ACYP2: variants seen among roughly 807,000 people sequenced by gnomAD.
ACYP2 encodes the protein acylphosphatase 2, also known as acylphosphatase-2.
A neutral mutation model predicts 11.2 loss-of-function variants in ACYP2; 12 were observed. That is an observed-to-expected ratio of 1.08 (90% CI 0.69 to 1.74). The LOEUF (loss-of-function observed/expected upper bound fraction) is 1.74, where lower values mean the gene tolerates loss of function less well. Ranked by LOEUF, ACYP2 falls within the 40% of genes most tolerant of loss-of-function variation. The pLI is 0.00. For missense variants in ACYP2, 134 were observed against 101.9 expected (o/e 1.31, Z -1.35); for synonymous variants, 43 against 32.2 (o/e 1.33, Z -1.13).
At chr2:54,175,944 C>T (rs1384089422) in intron 6 of ACYP2, among the ~76,000 whole-genome samples, 1 of 152,054 alleles carries the variant, frequency 6.6e-6, no homozygotes, top group Non-Finnish European at 1.5e-5. Context: ...ATGGGGTTAG[C>T]ACCCTTATAA....
chr2:54,208,623 G>C (rs1490960080), intron 6 of ACYP2, among the ~76,000 whole-genome samples: 1 of 151,854 alleles, frequency 6.6e-6, no homozygotes, highest in East Asian at 1.9e-4. Context: ...AGCCCAAATT[G>C]AAAGAGTGGC....
At chr2:54,147,128 A>ACTTTT (rs907747043) in intron 6 of ACYP2, among the ~76,000 whole-genome samples, 4 of 151,654 alleles carry the variant, frequency 2.6e-5, no homozygotes, top group African/African-American at 9.7e-5. Context: ...CTTCTAAGTT[A>ACTTTT]CTTTTCTTTT....
chr2:54,057,523 G>A (rs1447010613), intron 4 of ACYP2, among the ~76,000 whole-genome samples: 1 of 152,118 alleles, frequency 6.6e-6, no homozygotes, highest in Non-Finnish European at 1.5e-5. Flanking sequence ...TTGAGTCTAT[G>A]TTTGATTGAT....
Position 54,057,462 on chromosome 2 carries a change from T to C in ACYP2, c.277+102T>C, listed in dbSNP as rs1048593178. ...ATTAGCCTCAGGATGGCAGAACTTA[T>C]CTGTTAGAGACATTTTGAGGGAAAA... is the stretch of plus-strand genomic sequence containing the variant. On this transcript the variant is annotated intron_variant, in intron 4 of 6. Coordinates refer to ENST00000607452, the MANE Select transcript of ACYP2 (RefSeq NM_001320586.2). 2 of 391,200 alleles carry C rather than the reference T, an allele frequency of 5.1e-6. 1 individual carries two copies. Among genetic ancestry groups the C allele is most frequent in the Non-Finnish European group, 9.0e-6 (2 of 221,578 alleles). 24.2% of individuals were successfully genotyped at this position (391,200 alleles called of 1,614,324 possible).
At chr2:54,256,808 T>TTTTG (rs1314510897) in intron 6 of ACYP2, among the ~76,000 whole-genome samples, 1 of 144,456 alleles carries the variant, frequency 6.9e-6, no homozygotes, top group Non-Finnish European at 1.5e-5. Context: ...TGCCCGGTTT[T>TTTTG]TTTGTTTGTT....
At chr2:54,201,089 A>G (rs1398860757) in intron 6 of ACYP2, among the ~76,000 whole-genome samples, 2 of 150,992 alleles carry the variant, frequency 1.3e-5, no homozygotes, top group Non-Finnish European at 2.9e-5. Flanking sequence ...GCCCATTAAA[A>G]AATTTGGGTT....
intron 2 of ACYP2, among the ~76,000 whole-genome samples, chr2:53,989,426 A>C (rs1672181180): frequency 6.6e-6 from 1 of 152,102 alleles, no homozygotes; most frequent in African/African-American, 2.4e-5. Context: ...AAAACAAAGA[A>C]TATATTTGCC....
intron 2 of ACYP2, among the ~76,000 whole-genome samples, chr2:54,000,771 A>G (rs182157314): frequency 2.0e-5 from 3 of 152,304 alleles, no homozygotes; most frequent in Admixed American, 2.0e-4. Context: ...CATCTTTTCC[A>G]CTTACGTCAC....
At chr2:54,132,930 G>A (rs754803514) in intron 4 of ACYP2, among the ~76,000 whole-genome samples, 12 of 151,884 alleles carry the variant, frequency 7.9e-5, no homozygotes, top group Non-Finnish European at 1.8e-4. Flanking sequence ...TTTTTCTTGA[G>A]ATGGGATTTC....
chr2:54,154,572 C>T (rs935017493), intron 6 of ACYP2, among the ~76,000 whole-genome samples: 30 of 152,086 alleles, frequency 2.0e-4, no homozygotes, highest in African/African-American at 7.2e-4. Context: ...TGGTGTTCTC[C>T]ATTTATAGAT....
At chr2:54,284,861 G>C (rs1260342301) in intron 6 of ACYP2, among the ~76,000 whole-genome samples, 1 of 152,174 alleles carries the variant, frequency 6.6e-6, no homozygotes, top group East Asian at 1.9e-4. Context: ...TCTTTGGCCT[G>C]TGTTACTTAA....
At chr2:54,286,321 A>G (rs558001083) in intron 6 of ACYP2, among the ~76,000 whole-genome samples, 2 of 152,184 alleles carry the variant, frequency 1.3e-5, no homozygotes, top group South Asian at 4.1e-4. Flanking sequence ...ATATCAATGC[A>G]TATTGCTAGC....
intron 4 of ACYP2, among the ~76,000 whole-genome samples, chr2:54,098,597 G>A (rs1256248497): frequency 6.6e-6 from 1 of 152,096 alleles, no homozygotes; most frequent in Non-Finnish European, 1.5e-5. Flanking sequence ...CTCCAAATAT[G>A]TTGTTACTTG....
intron 6 of ACYP2, among the ~76,000 whole-genome samples, chr2:54,236,283 C>T (rs539582493): frequency 2.4e-4 from 36 of 152,010 alleles, no homozygotes; most frequent in Non-Finnish European, 8.8e-5. Flanking sequence ...AACTTTTTAT[C>T]AAGGATGTTT....
At chr2:54,173,360 G>C (rs1053724530) in intron 6 of ACYP2, among the ~76,000 whole-genome samples, 6 of 152,158 alleles carry the variant, frequency 3.9e-5, no homozygotes, top group Non-Finnish European at 5.9e-5. Flanking sequence ...AGAAGTGTCT[G>C]TTTATATCCT....
chr2:54,275,647 T>C (rs972570511), intron 6 of ACYP2, among the ~76,000 whole-genome samples: 4 of 152,182 alleles, frequency 2.6e-5, no homozygotes, highest in Non-Finnish European at 4.4e-5. Flanking sequence ...TAGCTATCAG[T>C]GTGAATCAGC....
chr2:54,171,206 T>C (rs1683208100), intron 6 of ACYP2, among the ~76,000 whole-genome samples: 1 of 152,182 alleles, frequency 6.6e-6, no homozygotes, highest in South Asian at 2.1e-4. Flanking sequence ...AGGTTCACGC[T>C]GGCCTTCCTT....
At chr2:54,086,463 G>C (rs1487263660) in intron 4 of ACYP2, among the ~76,000 whole-genome samples, 1 of 152,204 alleles carries the variant, frequency 6.6e-6, no homozygotes, top group African/African-American at 2.4e-5. Flanking sequence ...TCACAAGCGG[G>C]TGTGGGAAGT....
At chr2:54,201,582 TTTTC>T (rs879658092) in intron 6 of ACYP2, among the ~76,000 whole-genome samples, 4 of 111,962 alleles carry the variant, frequency 3.6e-5, no homozygotes, top group African/African-American at 6.7e-5. Flanking sequence ...GCCAGCTTCT[TTTTC>T]TTTCTTTCTC....
Sources: gnomAD v4.1 joint callset for allele counts (sites outside exome capture counted in the v4.1 genomes callset) on GRCh38, gnomAD v4.1.1 for gene constraint, MANE v1.5 for transcripts, NCBI Gene and HGNC (gene_info 2026-07-23, HGNC 2026-07-21) for gene names.